The following OXCT1 variants were observed in gnomAD, a reference collection of about 807,000 sequenced individuals.
OXCT1 encodes the protein 3-oxoacid CoA-transferase 1, also known as succinyl-CoA:3-ketoacid coenzyme A transferase 1, mitochondrial.
OXCT1 carries 27 observed loss-of-function variants against 69.6 expected under a neutral mutation model. That is an observed-to-expected ratio of 0.39 (90% CI 0.29 to 0.54). OXCT1 has a LOEUF of 0.54. OXCT1 is among the 20% of genes least tolerant of loss of function. The pLI is 0.72. For missense variants in OXCT1, 437 were observed against 650.2 expected (o/e 0.67, Z 3.57); for synonymous variants, 202 against 217.8 (o/e 0.93, Z 0.64).
intron 7 of OXCT1, among the ~76,000 whole-genome samples, chr5:41,835,831 G>C (rs1232242349): frequency 6.6e-6 from 1 of 152,068 alleles, no homozygotes; most frequent in Non-Finnish European, 1.5e-5. Context: ...TGAGTCAGAC[G>C]ACCTTTTCTG....
At chr5:41,796,082 GC>G (rs1333985847) in intron 11 of OXCT1, among the ~76,000 whole-genome samples, 1 of 152,052 alleles carries the variant, frequency 6.6e-6, no homozygotes, top group Non-Finnish European at 1.5e-5. Context: ...GGTAATACTG[GC>G]CAATGTATCT....
chr5:41,745,371 A>C (rs1291731943), intron 15 of OXCT1, among the ~76,000 whole-genome samples: 2 of 152,258 alleles, frequency 1.3e-5, no homozygotes, highest in Middle Eastern at 3.4e-3. Context: ...AAGACACAAC[A>C]TACCAGAATC....
At chr5:41,739,662 G>A (rs757965159) in intron 15 of OXCT1, 171 bp from the exon 16 acceptor site, 5 of 580,652 alleles carry the variant, frequency 8.6e-6, no homozygotes, top group Non-Finnish European at 1.6e-5. Flanking sequence ...TCAGGAGATC[G>A]AGACCATCCT....
At chr5:41,807,143 A>G (rs1202698174) in intron 8 of OXCT1, among the ~76,000 whole-genome samples, 188 bp downstream of exon 8, 1 of 152,054 alleles carries the variant, frequency 6.6e-6, no homozygotes, top group Non-Finnish European at 1.5e-5. Flanking sequence ...ATGACAAGGC[A>G]CTGTCAGCCT....
rs567134665 is a variant in OXCT1 at position 41,808,214 on chromosome 5, T to G, written c.733-776A>C. 2.3e-4 allele frequency among the ~76,000 whole-genome samples: 35 copies of G among 152,114 alleles called. No homozygotes were observed. In the South Asian group the frequency reaches 6.9e-3, roughly 30 times the overall value. Reference sequence around the variant, plus strand: ...GATCAAGAAAAACTAAACTCAACATTGTTGTGGTGAAAGAATTAGCTTTCT... The same window carrying G: ...GATCAAGAAAAACTAAACTCAACATGGTTGTGGTGAAAGAATTAGCTTTCT... On this transcript the variant is annotated intron_variant, in intron 7 of 16. Transcript: ENST00000196371.
Position 41,764,058 on chromosome 5 carries a change from C to T in OXCT1, c.1249-1858G>A, listed in dbSNP as rs187314722. Reference sequence around the variant, plus strand: ...CTGTTTTTGTTAAAAACACTCTTGACTCAATATAAGTGAATAGCCTTCACT... The same window carrying T: ...CTGTTTTTGTTAAAAACACTCTTGATTCAATATAAGTGAATAGCCTTCACT... On this transcript the variant is annotated intron_variant, in intron 13 of 16. Transcript: ENST00000196371. Among the ~76,000 whole-genome samples, 705 of 152,260 alleles carry T rather than the reference C, an allele frequency of 4.6e-3. 7 individuals are homozygous for T. The highest frequency in any genetic ancestry group is 0.014 in the Middle Eastern group (4 of 294).
At chr5:41,855,421 C>T (rs1169188088) in intron 3 of OXCT1, among the ~76,000 whole-genome samples, 1 of 152,194 alleles carries the variant, frequency 6.6e-6, no homozygotes, top group Non-Finnish European at 1.5e-5. Context: ...TTACTCCATA[C>T]TATGCTTCAA....
At chr5:41,832,029 A>G (rs947980930) in intron 7 of OXCT1, among the ~76,000 whole-genome samples, 1 of 152,190 alleles carries the variant, frequency 6.6e-6, no homozygotes, top group Non-Finnish European at 1.5e-5. Context: ...CCTCAGGAGC[A>G]CCAAATTTTA....
At chr5:41,747,574 G>A (rs946912758) in intron 15 of OXCT1, among the ~76,000 whole-genome samples, 3 of 152,010 alleles carry the variant, frequency 2.0e-5, no homozygotes, top group Admixed American at 6.6e-5. Flanking sequence ...GGGAGGGATA[G>A]GGAAGACTTG....
intron 13 of OXCT1, among the ~76,000 whole-genome samples, chr5:41,782,794 T>C (rs375996903): frequency 3.9e-5 from 6 of 152,206 alleles, no homozygotes; most frequent in East Asian, 1.9e-4. Flanking sequence ...TTTTCAAAGG[T>C]AAACTTTCCC....
chr5:41,819,856 A>C (rs1040888784), intron 7 of OXCT1, among the ~76,000 whole-genome samples: 1 of 152,084 alleles, frequency 6.6e-6, no homozygotes, highest in African/African-American at 2.4e-5. Context: ...CTCTCTGGGA[A>C]TCTTACCCAC....
intron 13 of OXCT1, among the ~76,000 whole-genome samples, chr5:41,784,365 A>G (rs1745550413): frequency 2.0e-5 from 3 of 152,212 alleles, no homozygotes; most frequent in South Asian, 4.1e-4. Context: ...GATGCAGAAG[A>G]ACAAACATGC....
intron 14 of OXCT1, 67 bp from the exon 15 acceptor site, chr5:41,749,674 T>C: frequency 1.1e-6 from 1 of 946,054 alleles, no homozygotes; most frequent in South Asian, 1.3e-5. Context: ...TTGGCATAAC[T>C]ATAGGATAAA....
At chr5:41,750,961 T>C (rs1364358593) in intron 14 of OXCT1, among the ~76,000 whole-genome samples, 1 of 152,176 alleles carries the variant, frequency 6.6e-6, no homozygotes, top group African/African-American at 2.4e-5. Flanking sequence ...TGGTGCTAAA[T>C]ACATATGAAG....
intron 1 of OXCT1, among the ~76,000 whole-genome samples, chr5:41,865,725 TG>T (rs1749932650): frequency 6.6e-6 from 1 of 152,124 alleles, no homozygotes; most frequent in Non-Finnish European, 1.5e-5. Flanking sequence ...CTCTTTTTCA[TG>T]GGGGGAGAAG....
intron 7 of OXCT1, among the ~76,000 whole-genome samples, chr5:41,829,388 A>G (rs751900101): frequency 6.6e-6 from 1 of 152,184 alleles, no homozygotes; most frequent in Non-Finnish European, 1.5e-5. Context: ...AGGGGGATAT[A>G]TTATTAAAAT....
At chr5:41,781,322 A>T in intron 13 of OXCT1, among the ~76,000 whole-genome samples, 1 of 152,206 alleles carries the variant, frequency 6.6e-6, no homozygotes, top group East Asian at 1.9e-4. Context: ...CACCTAATAC[A>T]AAAAGAAAAC....
At chr5:41,801,285 T>A (rs1746415430) in intron 10 of OXCT1, among the ~76,000 whole-genome samples, 1 of 152,158 alleles carries the variant, frequency 6.6e-6, no homozygotes, top group South Asian at 2.1e-4. Flanking sequence ...ATGAAAAATA[T>A]TTTCTAAAAA....
chr5:41,731,922 T>G, intron 16 of OXCT1, 152 bp from the exon 17 acceptor site: 1 of 999,932 alleles, frequency 1.0e-6, no homozygotes, highest in Non-Finnish European at 1.5e-6. Flanking sequence ...TCCTGAAACA[T>G]TGAGACAGAA....
Sources: gnomAD v4.1 joint callset for allele counts (sites outside exome capture counted in the v4.1 genomes callset) on GRCh38, gnomAD v4.1.1 for gene constraint, MANE v1.5 for transcripts, NCBI Gene and HGNC (gene_info 2026-07-23, HGNC 2026-07-21) for gene names.